Variants in RGL1 observed in about 807,000 individuals in gnomAD.
RGL1 encodes the protein ral guanine nucleotide dissociation stimulator-like 1.
RGL1 carries 24 observed loss-of-function variants against 95.2 expected under a neutral mutation model. That is an observed-to-expected ratio of 0.25 (90% CI 0.18 to 0.35). The LOEUF (loss-of-function observed/expected upper bound fraction) is 0.35. Among genes scored for constraint, RGL1 ranks in the 10% least tolerant of loss-of-function variants. The pLI is 1.00. For synonymous variants in RGL1, 329 were observed against 344.9 expected (o/e 0.95, Z 0.51); for missense variants, 715 against 936.3 (o/e 0.76, Z 3.08).
chr1:183,708,121 AT>A (rs1382103714), intron 1 of RGL1, among the ~76,000 whole-genome samples: 2 of 152,152 alleles, frequency 1.3e-5, no homozygotes, highest in African/African-American at 4.8e-5. Context: ...GCCAGATTGA[AT>A]TGCAAAAAAA....
At chr1:183,918,268 G>T (rs141101789) in intron 16 of RGL1, among the ~76,000 whole-genome samples, 8 of 152,172 alleles carry the variant, frequency 5.3e-5, no homozygotes, top group Non-Finnish European at 7.4e-5. Context: ...AACCCCACAG[G>T]GGGGACGTGG....
intron 2 of RGL1, among the ~76,000 whole-genome samples, chr1:183,770,781 C>CAT (rs1171248799): frequency 1.3e-5 from 2 of 152,072 alleles, no homozygotes; most frequent in Admixed American, 6.5e-5. Flanking sequence ...TCTGGGAGGT[C>CAT]TTATGGTTGG....
At chr1:183,869,759 A>C (rs181667536) in intron 4 of RGL1, among the ~76,000 whole-genome samples, 3 of 152,152 alleles carry the variant, frequency 2.0e-5, no homozygotes, top group African/African-American at 7.2e-5. Context: ...TCTTTGTGAG[A>C]GGAAATCAGG....
At chr1:183,745,161 T>C (rs1480300269) in intron 2 of RGL1, among the ~76,000 whole-genome samples, 2 of 152,180 alleles carry the variant, frequency 1.3e-5, no homozygotes, top group Non-Finnish European at 2.9e-5. Context: ...ATTGGCCATT[T>C]AGTTTTCTGT....
At chr1:183,892,194 T>C (rs745960226) in intron 9 of RGL1, 33 bp downstream of exon 9, 1 of 1,430,950 alleles carries the variant, frequency 7.0e-7, no homozygotes, top group Non-Finnish European at 9.8e-7. Context: ...TGTGTAGTGC[T>C]GTTAATAGCT....
At chr1:183,733,740 G>A (rs1656768802) in intron 1 of RGL1, among the ~76,000 whole-genome samples, 1 of 152,172 alleles carries the variant, frequency 6.6e-6, no homozygotes, top group Admixed American at 6.5e-5. Flanking sequence ...GCAAACTGGT[G>A]TTTTGGTCTT....
intron 2 of RGL1, among the ~76,000 whole-genome samples, chr1:183,758,722 G>T (rs1239478857): frequency 1.3e-5 from 2 of 152,120 alleles, no homozygotes; most frequent in Non-Finnish European, 2.9e-5. Context: ...CCTCCCCAAA[G>T]CTCTGCCTCC....
At chr1:183,816,629 T>C (rs1662107084) in intron 2 of RGL1, among the ~76,000 whole-genome samples, 2 of 152,262 alleles carry the variant, frequency 1.3e-5, no homozygotes, top group Non-Finnish European at 1.5e-5. Context: ...AAGTATTTTT[T>C]AATATGTAAG....
intron 3 of RGL1, among the ~76,000 whole-genome samples, chr1:183,848,316 A>G (rs1014772858): frequency 2.0e-5 from 3 of 152,226 alleles, no homozygotes; most frequent in African/African-American, 7.2e-5. Flanking sequence ...TACTTATTAC[A>G]TAGAGCAGTA....
intron 2 of RGL1, among the ~76,000 whole-genome samples, chr1:183,832,488 A>G (rs1402377268): frequency 1.3e-5 from 2 of 152,204 alleles, no homozygotes; most frequent in African/African-American, 4.8e-5. Flanking sequence ...CTCTAAGGAT[A>G]TATGTGTGGG....
intron 1 of RGL1, among the ~76,000 whole-genome samples, chr1:183,704,193 C>T (rs1017518569): frequency 4.6e-5 from 7 of 152,112 alleles, no homozygotes; most frequent in African/African-American, 1.7e-4. Context: ...TTGGTGGCCT[C>T]TGCAATGAAT....
intron 1 of RGL1, among the ~76,000 whole-genome samples, chr1:183,694,505 G>T (rs1654144562): frequency 6.6e-6 from 1 of 152,116 alleles, no homozygotes; most frequent in Non-Finnish European, 1.5e-5. Flanking sequence ...CTTGACATTT[G>T]CCAACCCTAG....
At chr1:183,920,647 T>A (rs1669261936) in intron 16 of RGL1, among the ~76,000 whole-genome samples, 1 of 152,124 alleles carries the variant, frequency 6.6e-6, no homozygotes, top group African/African-American at 2.4e-5. Context: ...TGAAGGGAGG[T>A]CTTCTCCTTT....
At position 183,681,698 on chromosome 1, in the gene RGL1, T is replaced by A. The variant is rs1050683135; in HGVS notation, c.-33+45197T>A. Among the ~76,000 whole-genome samples, 6 of 152,180 alleles carry A rather than the reference T, an allele frequency of 3.9e-5. No individual in the cohort carries two copies. In the South Asian group the frequency reaches 1.2e-3, roughly 31 times the overall value. ...GATGATGCTGGCCTCACAAAATGAG[T>A]TACGGAGGAGTTCCTCTCTTTCTAT... is the stretch of plus-strand genomic sequence containing the variant. On this transcript the variant is annotated intron_variant, in intron 1 of 18. Coordinates refer to the RGL1 transcript ENST00000304685.
At chr1:183,870,940 A>G (rs1159060492) in intron 4 of RGL1, among the ~76,000 whole-genome samples, 2 of 152,176 alleles carry the variant, frequency 1.3e-5, no homozygotes, top group African/African-American at 4.8e-5. Context: ...CTCCTTCTCT[A>G]TCACTCTGTC....
At chr1:183,713,144 G>T (rs1344986471) in intron 1 of RGL1, among the ~76,000 whole-genome samples, 2 of 152,040 alleles carry the variant, frequency 1.3e-5, no homozygotes, top group Non-Finnish European at 2.9e-5. Context: ...TCCTGCCTCA[G>T]CCTCCCGAGT....
At chr1:183,680,681 G>A (rs140167604) in intron 1 of RGL1, among the ~76,000 whole-genome samples, 2 of 152,070 alleles carry the variant, frequency 1.3e-5, no homozygotes, top group Non-Finnish European at 2.9e-5. Context: ...GTTCCATATG[G>A]CATTTAAAGT....
intron 2 of RGL1, among the ~76,000 whole-genome samples, chr1:183,752,330 G>A (rs1333509175): frequency 1.3e-5 from 2 of 151,898 alleles, no homozygotes; most frequent in South Asian, 2.1e-4. Flanking sequence ...GGTTTCAAGC[G>A]ATTCTCCTGC....
intron 2 of RGL1, among the ~76,000 whole-genome samples, chr1:183,839,780 T>C (rs1047229679): frequency 6.6e-6 from 1 of 152,176 alleles, no homozygotes; most frequent in Non-Finnish European, 1.5e-5. Context: ...CCCTCTGTCA[T>C]ATTGTTTATG....
Sources: gnomAD v4.1 joint callset for allele counts (sites outside exome capture counted in the v4.1 genomes callset) on GRCh38, gnomAD v4.1.1 for gene constraint, MANE v1.5 for transcripts, NCBI Gene and HGNC (gene_info 2026-07-23, HGNC 2026-07-21) for gene names.